Variants in ARIH1 observed in about 807,000 individuals in gnomAD.
ARIH1 encodes E3 ubiquitin-protein ligase ARIH1.
A neutral mutation model predicts 85.0 loss-of-function variants in ARIH1; 8 were observed. That is an observed-to-expected ratio of 0.09 (90% CI 0.06 to 0.17). ARIH1 has a LOEUF of 0.17. ARIH1 is among the 10% of genes least tolerant of loss of function. The probability of loss-of-function intolerance (pLI) is 1.00; values close to 1 mark genes in which losing one functional copy is unlikely to be tolerated. For synonymous variants in ARIH1, 238 were observed against 253.6 expected, an observed-to-expected ratio of 0.94 and a Z score of 0.59; for missense variants, 311 against 718.1, an observed-to-expected ratio of 0.43 and a Z score of 6.48.
At chr15:72,581,856 G>A in intron 12 of ARIH1, 1 of 382,838 alleles carries the variant, frequency 2.6e-6, no homozygotes. Flanking sequence ...AAAGTAATGG[G>A]TGAAATCTTT....
intron 6 of ARIH1, 131 bp from the exon 7 acceptor site, chr15:72,563,263 T>G (rs767071776): frequency 2.1e-5 from 14 of 670,256 alleles, no homozygotes; most frequent in Non-Finnish European, 3.2e-5. Flanking sequence ...CTTGCTATGT[T>G]GCCCGGGCTG....
chr15:72,485,437 T>C (rs1362460527), intron 1 of ARIH1, among the ~76,000 whole-genome samples: 7 of 152,190 alleles, frequency 4.6e-5, no homozygotes, highest in African/African-American at 1.7e-4. Flanking sequence ...GTAAGAAATC[T>C]TTCTAAAACA....
Position 72,600,931 on chromosome 15 carries a change from C to T in ARIH1, c.*17639C>T, listed in dbSNP as rs536171040. ...CAGGACCCCTTTCAGGGAGATTTCA[C>T]ATATTGGGAAACAGCCTCATGAGCT... On this transcript the variant is annotated 3_prime_UTR_variant, in exon 14 of 14. Transcript: ENST00000379887. The T allele has an allele frequency of 6.6e-6, 1 of 152,312 alleles. No individual in the cohort carries two copies. Among genetic ancestry groups the T allele is most frequent in the African/African-American group, 2.4e-5 (1 of 41,562 alleles). The allele number at this position is 152,312 out of a possible 1,614,324, so 9.4% of individuals were successfully genotyped here.
At position 72,590,478 on chromosome 15, in the gene ARIH1, A is replaced by G. The variant is rs1002879731; in HGVS notation, c.*7186A>G. 2.0e-5 allele frequency: 3 copies of G among 152,270 alleles called. No homozygotes were observed. Among genetic ancestry groups the G allele is most frequent in the Non-Finnish European group, 4.4e-5 (3 of 68,068 alleles). The allele number at this position is 152,270 out of a possible 1,614,324, so 9.4% of individuals were successfully genotyped here. On this transcript the variant is annotated 3_prime_UTR_variant, in exon 14 of 14. Coordinates refer to ENST00000379887, the MANE Select transcript of ARIH1 (RefSeq NM_005744.5). ...TTTTCTCACATTTGAGAGTCACTCT[A>G]GCATTTTAATGAGTTAAGCAAGCCA...
At chr15:72,489,727 C>G (rs1171643346) in intron 1 of ARIH1, among the ~76,000 whole-genome samples, 1 of 152,216 alleles carries the variant, frequency 6.6e-6, no homozygotes, top group Non-Finnish European at 1.5e-5. Context: ...CAGGTTTCCA[C>G]AGTTGAGAAT....
chr15:72,577,621 C>T (rs28795465), intron 11 of ARIH1, among the ~76,000 whole-genome samples: 2,309 of 152,050 alleles, frequency 0.015, 56 homozygotes, highest in Admixed American at 0.057. Flanking sequence ...CGTGGAGAGC[C>T]GAGATCGCAC....
chr15:72,561,602 A>T, intron 6 of ARIH1, 53 bp downstream of exon 6: 2 of 1,040,458 alleles, frequency 1.9e-6, no homozygotes, highest in Non-Finnish European at 2.8e-6. Flanking sequence ...ATTAATAGAA[A>T]TACTATTTTA....
At chr15:72,577,493 T>G (rs2064276971) in intron 11 of ARIH1, among the ~76,000 whole-genome samples, 1 of 151,586 alleles carries the variant, frequency 6.6e-6, no homozygotes, top group Non-Finnish European at 1.5e-5. Flanking sequence ...GCCAACATGG[T>G]GAAACCCTAT....
At chr15:72,500,894 T>C (rs1464038620) in intron 1 of ARIH1, among the ~76,000 whole-genome samples, 1 of 152,232 alleles carries the variant, frequency 6.6e-6, no homozygotes, top group Non-Finnish European at 1.5e-5. Context: ...ACTATGTATG[T>C]ATATTAAATA....
chr15:72,552,383 G>T (rs545582466), intron 3 of ARIH1, among the ~76,000 whole-genome samples: 1 of 152,136 alleles, frequency 6.6e-6, no homozygotes, highest in Non-Finnish European at 1.5e-5. Flanking sequence ...TGCCTCCCGG[G>T]TTGAAGGGAT....
intron 1 of ARIH1, among the ~76,000 whole-genome samples, chr15:72,490,260 C>T (rs1457382901): frequency 2.0e-5 from 3 of 150,662 alleles, no homozygotes; most frequent in Non-Finnish European, 4.4e-5. Context: ...AAAAAAAAGT[C>T]TCCTTCTCTT....
rs2064376163 is a variant in ARIH1 at position 72,599,832 on chromosome 15, T to A, written c.*16540T>A. ...TTCCAGTATTTTTTCTCACAAACAA[T>A]GCAGTATTATGCCTTTGTCCACATT... On this transcript the variant is annotated 3_prime_UTR_variant, in exon 14 of 14. Coordinates refer to ENST00000379887, the MANE Select transcript of ARIH1 (RefSeq NM_005744.5). The A allele has an allele frequency of 6.6e-6, 1 of 152,276 alleles. No individual in the cohort carries two copies. Among genetic ancestry groups the A allele is most frequent in the African/African-American group, 2.4e-5 (1 of 41,466 alleles). 9.4% of individuals were successfully genotyped at this position (152,276 alleles called of 1,614,324 possible).
intron 2 of ARIH1, among the ~76,000 whole-genome samples, chr15:72,533,608 T>G (rs971135852): frequency 1.3e-5 from 2 of 152,186 alleles, no homozygotes; most frequent in African/African-American, 2.4e-5. Flanking sequence ...TAGAAAGAAA[T>G]ACGTGCACAT....
At chr15:72,480,861 CTTG>C (rs138732835) in intron 1 of ARIH1, among the ~76,000 whole-genome samples, 1 of 152,286 alleles carries the variant, frequency 6.6e-6, no homozygotes, top group African/African-American at 2.4e-5. Flanking sequence ...CTTGCCCGGC[CTTG>C]TTTTGTTTTT....
At chr15:72,572,233 A>G (rs776467100) in intron 11 of ARIH1, 68 bp downstream of exon 11, 47 of 1,125,072 alleles carry the variant, frequency 4.2e-5, no homozygotes, top group Non-Finnish European at 5.3e-5. Context: ...TTCATTAGAG[A>G]ATAATTTTTT....
intron 13 of ARIH1, 82 bp from the exon 14 acceptor site, chr15:72,583,126 A>T: frequency 9.3e-7 from 1 of 1,073,602 alleles, no homozygotes. Flanking sequence ...AACTATAGGG[A>T]TGCCTTAAAA....
At chr15:72,544,553 T>C (rs112740992) in intron 2 of ARIH1, among the ~76,000 whole-genome samples, 12 of 149,456 alleles carry the variant, frequency 8.0e-5, no homozygotes, top group East Asian at 5.9e-4. Context: ...TTTACATACA[T>C]ACACACACAC....
intron 11 of ARIH1, among the ~76,000 whole-genome samples, chr15:72,573,915 A>G (rs2064258982): frequency 6.6e-6 from 1 of 152,162 alleles, no homozygotes; most frequent in South Asian, 2.1e-4. Context: ...TCTTTCTTAA[A>G]TGATGTCCCT....
chr15:72,475,087 A>C, intron 1 of ARIH1, 73 bp downstream of exon 1: 1 of 1,535,038 alleles, frequency 6.5e-7, no homozygotes, highest in Non-Finnish European at 8.8e-7. Flanking sequence ...CGCGGTCCCG[A>C]GGGACAGGCC....
Sources: allele counts gnomAD v4.1 joint callset (sites outside exome capture counted in the v4.1 genomes callset), GRCh38; gene constraint gnomAD v4.1.1; transcripts MANE v1.5; gene names NCBI Gene and HGNC (gene_info 2026-07-23, HGNC 2026-07-21).